The following MTHFD2L variants were observed in gnomAD, a reference collection of about 807,000 sequenced individuals.
The protein encoded by MTHFD2L is bifunctional methylenetetrahydrofolate dehydrogenase/cyclohydrolase 2, mitochondrial.
Under a neutral mutation model 34.9 loss-of-function variants are expected in MTHFD2L, and 29 were observed. That is an observed-to-expected ratio of 0.83 (90% confidence interval 0.62 to 1.13). The LOEUF (loss-of-function observed/expected upper bound fraction) is 1.13. MTHFD2L is among the 50% of genes most tolerant of loss of function. MTHFD2L has a pLI of 0.00. For synonymous variants in MTHFD2L, 167 were observed against 155.7 expected, an observed-to-expected ratio of 1.07 and a Z score of -0.54; for missense variants, 481 against 446.5, an observed-to-expected ratio of 1.08 and a Z score of -0.70.
chr4:74,232,512 T>G (rs1740230171), intron 6 of MTHFD2L, among the ~76,000 whole-genome samples: 1 of 152,120 alleles, frequency 6.6e-6, no homozygotes, highest in South Asian at 2.1e-4. Context: ...CCTAAGTTAC[T>G]AAGTAAGCAA....
At chr4:74,198,401 G>A (rs1578435374) in intron 3 of MTHFD2L, among the ~76,000 whole-genome samples, 3 of 152,170 alleles carry the variant, frequency 2.0e-5, no homozygotes, top group African/African-American at 7.2e-5. Context: ...CAGTAGCCCA[G>A]CCCATGCATA....
At chr4:74,117,911 C>A (rs896342689) in intron 2 of MTHFD2L, among the ~76,000 whole-genome samples, 10 of 152,200 alleles carry the variant, frequency 6.6e-5, no homozygotes, top group Non-Finnish European at 4.4e-5. Flanking sequence ...CTGTACTTAT[C>A]GATGATATAA....
At chr4:74,252,648 A>G (rs947588183) in intron 6 of MTHFD2L, among the ~76,000 whole-genome samples, 3 of 152,184 alleles carry the variant, frequency 2.0e-5, no homozygotes, top group Admixed American at 6.5e-5. Flanking sequence ...CTAAATAGCA[A>G]TATGAACACA....
chr4:74,271,064 A>C (rs1462025735), intron 6 of MTHFD2L, among the ~76,000 whole-genome samples: 1 of 152,042 alleles, frequency 6.6e-6, no homozygotes, highest in East Asian at 1.9e-4. Context: ...GTAGATTCTG[A>C]ATATTAGCCC....
upstream of MTHFD2L, among the ~76,000 whole-genome samples, chr4:74,122,264 G>T (rs1053997435): frequency 6.6e-6 from 1 of 152,276 alleles, no homozygotes; most frequent in South Asian, 2.1e-4. Flanking sequence ...AATTCTGCAG[G>T]CTGTACAGGA....
intron 1 of MTHFD2L, among the ~76,000 whole-genome samples, chr4:74,130,416 T>C (rs1306304519): frequency 2.0e-5 from 3 of 152,190 alleles, no homozygotes; most frequent in Admixed American, 6.6e-5. Context: ...ATTCCTGAGA[T>C]GCAAGGCTGG....
intron 6 of MTHFD2L, among the ~76,000 whole-genome samples, chr4:74,275,871 CA>C (rs1434014401): frequency 2.0e-5 from 3 of 152,032 alleles, no homozygotes; most frequent in African/African-American, 7.2e-5. Context: ...TGGTAGATTG[CA>C]AAAATTTTCT....
intron 2 of MTHFD2L, among the ~76,000 whole-genome samples, chr4:74,116,840 T>G (rs1721662656): frequency 6.6e-6 from 1 of 152,252 alleles, no homozygotes; most frequent in South Asian, 2.1e-4. Flanking sequence ...AGTGGTAGTT[T>G]GCACTAGGCA....
intron 3 of MTHFD2L, among the ~76,000 whole-genome samples, chr4:74,187,152 ACT>A (rs1731443033): frequency 6.6e-6 from 1 of 152,188 alleles, no homozygotes; most frequent in South Asian, 2.1e-4. Context: ...AATTAAAAAC[ACT>A]CTAACAGAAA....
intron 5 of MTHFD2L, among the ~76,000 whole-genome samples, chr4:74,217,190 T>A (rs1487760721): frequency 6.6e-6 from 1 of 151,868 alleles, no homozygotes; most frequent in Non-Finnish European, 1.5e-5. Context: ...ATGCTTTTTT[T>A]CCTCAAGTTA....
At chr4:74,121,999 G>A (rs1447565231), upstream of MTHFD2L, among the ~76,000 whole-genome samples, 1 of 151,882 alleles carries the variant, frequency 6.6e-6, no homozygotes, top group Non-Finnish European at 1.5e-5. Flanking sequence ...AGAACTGTGA[G>A]AAAATAAATT....
intron 6 of MTHFD2L, among the ~76,000 whole-genome samples, chr4:74,232,842 A>G (rs1348883649): frequency 6.6e-6 from 1 of 152,186 alleles, no homozygotes; most frequent in Non-Finnish European, 1.5e-5. Context: ...ACAGACTTCT[A>G]ATGACTCTAT....
Position 74,174,692 on chromosome 4 carries a change from TGG to T in MTHFD2L, c.328+4_328+5del. The T allele has an allele frequency of 1.3e-6, 2 of 1,481,594 alleles. No homozygotes were observed. Among genetic ancestry groups the T allele is most frequent in the South Asian group, 2.9e-5 (2 of 69,466 alleles). The allele number at this position is 1,481,594 out of a possible 1,614,324, so 91.8% of individuals were successfully genotyped here. A position where few individuals can be genotyped will look rare whatever the true frequency, so the allele number is the denominator to read the frequency against. ...AGATAAGAGCTGCCTCTGCTGTAGG[TGG>T]GTGTGTGTTTTAGTTGTAATTACTA... is the stretch of plus-strand genomic sequence containing the variant. On this transcript the variant is annotated splice_donor_region_variant and intron_variant, in intron 2 of 7. Transcript: ENST00000325278.
At chr4:74,299,943 C>T (rs924546190) in intron 7 of MTHFD2L, among the ~76,000 whole-genome samples, 2 of 151,972 alleles carry the variant, frequency 1.3e-5, no homozygotes, top group African/African-American at 4.8e-5. Context: ...AGACAGGTGA[C>T]ATTTCATTGG....
intron 1 of MTHFD2L, among the ~76,000 whole-genome samples, chr4:74,131,972 A>T (rs972459477): frequency 2.0e-5 from 3 of 152,150 alleles, no homozygotes; most frequent in Non-Finnish European, 2.9e-5. Flanking sequence ...GCGGCCAAAA[A>T]AACATATATA....
chr4:74,261,308 A>T (rs1395264916), intron 6 of MTHFD2L, among the ~76,000 whole-genome samples: 2 of 152,014 alleles, frequency 1.3e-5, no homozygotes, highest in African/African-American at 4.8e-5. Context: ...TAACAACGTA[A>T]ATGTAGGTAG....
At chr4:74,212,104 C>A (rs898016588) in intron 5 of MTHFD2L, among the ~76,000 whole-genome samples, 2 of 152,040 alleles carry the variant, frequency 1.3e-5, no homozygotes, top group Middle Eastern at 3.4e-3. Context: ...GGCTAGTGGT[C>A]AATTTATTTT....
At chr4:74,137,782 G>A (rs1037194955) in intron 1 of MTHFD2L, among the ~76,000 whole-genome samples, 22 of 152,042 alleles carry the variant, frequency 1.4e-4, no homozygotes, top group African/African-American at 5.1e-4. Context: ...ATCATAAGAC[G>A]TATGAAAGCC....
chr4:74,287,020 T>C lies in MTHFD2L; in HGVS notation c.931+5470T>C, dbSNP rs77116451. Reference sequence around the variant, plus strand: ...CCTCTCTCTACTGTCTTAACATAATTGGATAGTAAAATTTAAAGTGGTAAG... The same window carrying C: ...CCTCTCTCTACTGTCTTAACATAATCGGATAGTAAAATTTAAAGTGGTAAG... On this transcript the variant is annotated intron_variant, in intron 7 of 7. Coordinates refer to ENST00000325278, the MANE Select transcript of MTHFD2L (RefSeq NM_001144978.3). 1.3e-4 allele frequency among the ~76,000 whole-genome samples: 20 copies of C among 152,286 alleles called. No individual in the cohort carries two copies. In the East Asian group the frequency reaches 3.9e-3, roughly 29 times the overall value.
Sources: allele counts gnomAD v4.1 joint callset (sites outside exome capture counted in the v4.1 genomes callset), GRCh38; gene constraint gnomAD v4.1.1; transcripts MANE v1.5; gene names NCBI Gene and HGNC (gene_info 2026-07-23, HGNC 2026-07-21).